CCDC116: variants seen among roughly 807,000 people sequenced by gnomAD.
CCDC116 encodes the protein coiled-coil domain containing 116.
In CCDC116, 24 loss-of-function variants were observed where a neutral mutation model predicts 29.4. That is an observed-to-expected ratio of 0.82 (90% CI 0.59 to 1.15). CCDC116 has a LOEUF of 1.15. CCDC116 is among the 50% of genes most tolerant of loss of function. CCDC116 has a pLI of 0.00. For synonymous variants in CCDC116, 298 were observed against 331.4 expected (o/e 0.90, Z 1.10); for missense variants, 791 against 804.0 (o/e 0.98, Z 0.20).
In CCDC116 at chr22:21,634,131, G is replaced by C. The variant is rs776764287; in HGVS notation, c.182G>C (p.Arg61Pro). Residue 61 changes from arginine (R) to proline (P), a missense_variant, in exon 3 of 5, where the codon CGC (arginine) becomes CCC (proline). Coordinates refer to ENST00000292779, the MANE Select transcript of CCDC116 (RefSeq NM_152612.3). Reference sequence around the variant, plus strand: ...GGCAGCTCAGCACTCCAGGGCCAACGCCGAAACAAGAGGCACCCTCAGCCC... The same window carrying C: ...GGCAGCTCAGCACTCCAGGGCCAACCCCGAAACAAGAGGCACCCTCAGCCC... The part of the protein sequence containing the change: ...TCGSSALQGQ[R>P]RNKRHPQPFG... The C allele has an allele frequency of 6.2e-7, 1 of 1,614,120 alleles. No homozygotes were observed. Among genetic ancestry groups the C allele is most frequent in the Admixed American group, 1.7e-5 (1 of 60,010 alleles).
At chr22:21,635,398 G>C (rs1395415660) in intron 4 of CCDC116, 132 bp downstream of exon 4, 9 of 865,000 alleles carry the variant, frequency 1.0e-5, no homozygotes, top group Non-Finnish European at 1.7e-5. Flanking sequence ...AGCCCTGGCA[G>C]GGCCTGCACC....
chr22:21,634,288 C>G lies in CCDC116; in HGVS notation c.339C>G (p.Asp113Glu). Residue 113 changes from aspartate to glutamate, a missense_variant, in exon 3 of 5, where the codon GAC becomes GAG. Transcript: ENST00000292779. ...GGGTGCCGCTTGTGGAGGTGCAGGACCCAGTGGAGGTGCCAAGTGGTGGAC... is the reference window on the plus strand; with the variant it reads ...GGGTGCCGCTTGTGGAGGTGCAGGAGCCAGTGGAGGTGCCAAGTGGTGGAC... ...EAGVPLVEVQ[D>E]PVEVPSGGRR... 2 of 1,613,582 alleles carry G rather than the reference C, an allele frequency of 1.2e-6. No homozygotes were observed. The highest frequency in any genetic ancestry group is 1.7e-6 in the Non-Finnish European group (2 of 1,179,944).
chr22:21,634,863 TC>T lies in CCDC116; in HGVS notation c.802del (p.Arg268AlafsTer13), dbSNP rs766687183. The part of the protein sequence containing the change: ...EPRPGEQEPI[F>X]RKREFNKEIK... Reference sequence around the variant, plus strand: ...AGGCCTGGAGAACAGGAGCCAATCTTCCGCAAGCGAGAGTTCAATAAGGAGA... The same window carrying T: ...AGGCCTGGAGAACAGGAGCCAATCTTCGCAAGCGAGAGTTCAATAAGGAGA... On this transcript the variant is annotated frameshift_variant, in exon 4 of 5. Transcript: ENST00000292779. LOFTEE classifies it high-confidence loss of function. 2 of 1,613,924 alleles carry T rather than the reference TC, an allele frequency of 1.2e-6. No homozygotes were observed. The highest frequency in any genetic ancestry group is 4.5e-5 in the East Asian group (2 of 44,852).
intron 4 of CCDC116, chr22:21,635,853 G>A (rs992877375): frequency 2.8e-5 from 15 of 540,676 alleles, no homozygotes; most frequent in Non-Finnish European, 4.6e-5. Flanking sequence ...ACATGGGGGT[G>A]GAAAGTCCCG....
At position 21,637,321 on chromosome 22, in the gene CCDC116, G is replaced by A. The variant is rs2066041987; in HGVS notation, c.*251G>A. On this transcript the variant is annotated 3_prime_UTR_variant, in exon 5 of 5. Coordinates refer to ENST00000292779, the MANE Select transcript of CCDC116 (RefSeq NM_152612.3). ...TGTGTTGCTGGGACACAGGTTTGCTGTCCTGAGATTTCAGCCGCCATTTTA... is the reference window on the plus strand; with the variant it reads ...TGTGTTGCTGGGACACAGGTTTGCTATCCTGAGATTTCAGCCGCCATTTTA... 1.1e-5 allele frequency: 4 copies of A among 380,088 alleles called. No homozygotes were observed. The allele number at this position is 380,088 out of a possible 1,614,324, so 23.5% of individuals were successfully genotyped here. A position where few individuals can be genotyped will look rare whatever the true frequency, so the allele number is the denominator to read the frequency against.
chr22:21,634,955 C>T lies in CCDC116; in HGVS notation c.892C>T (p.His298Tyr). The change falls in exon 4 of 5, where the codon CAT (histidine) becomes TAT (tyrosine). Residue 298 changes from histidine to tyrosine, a missense_variant. Transcript: ENST00000292779. Reference sequence around the variant, plus strand: ...TGGCTACTGTCCGCTCCGTGAGCCCCATCGCACGCTGAACTTCCTGGCTGA... The same window carrying T: ...TGGCTACTGTCCGCTCCGTGAGCCCTATCGCACGCTGAACTTCCTGGCTGA... ...LPGYCPLREP[H>Y]RTLNFLADHR... 6.2e-7 allele frequency: 1 copy of T among 1,613,414 alleles called. No homozygotes were observed.
In CCDC116 at chr22:21,634,274, G is replaced by T. The variant is rs200509674; in HGVS notation, c.325G>T (p.Val109Leu). The T allele has an allele frequency of 1.7e-5, 28 of 1,613,876 alleles. No individual in the cohort carries two copies. The East Asian group carries it at 6.0e-4, about 35-fold the overall frequency. Reference sequence around the variant, plus strand: ...GAAGACGGAGGCTGGGGTGCCGCTTGTGGAGGTGCAGGACCCAGTGGAGGT... The same window carrying T: ...GAAGACGGAGGCTGGGGTGCCGCTTTTGGAGGTGCAGGACCCAGTGGAGGT... ...AMKTEAGVPL[V>L]EVQDPVEVPS... is the part of the protein sequence containing the mutation. Residue 109 changes from valine (V) to leucine (L), a missense_variant, in exon 3 of 5, where the codon GTG (valine) becomes TTG (leucine). Transcript: ENST00000292779.
rs376356851 is a variant in CCDC116 at position 21,634,254 on chromosome 22, C to T, written c.305C>T (p.Thr102Met). Residue 102 changes from threonine to methionine, a missense_variant, in exon 3 of 5, where the codon ACG becomes ATG. Coordinates refer to ENST00000292779, the MANE Select transcript of CCDC116 (RefSeq NM_152612.3). ...ACTGAGCGCATGGCTGCCATGAAGA[C>T]GGAGGCTGGGGTGCCGCTTGTGGAG... ...KATERMAAMK[T>M]EAGVPLVEVQ... The T allele has an allele frequency of 1.6e-5, 26 of 1,613,978 alleles. 1 individual carries two copies. In the East Asian group the frequency reaches 2.7e-4, roughly 17 times the overall value.
intron 3 of CCDC116, 47 bp downstream of exon 3, chr22:21,634,617 C>A (rs1259280477): frequency 1.3e-6 from 2 of 1,567,722 alleles, no homozygotes; most frequent in Admixed American, 3.6e-5. Context: ...CCATGGAGAG[C>A]CCAGGGCTAG....
At position 21,634,245 on chromosome 22, in the gene CCDC116, C is replaced by CGTT. The variant is rs748887002; in HGVS notation, c.296_297insGTT (p.Ala99_Met100insPhe). 6.2e-7 allele frequency: 1 copy of CGTT among 1,614,186 alleles called. No individual in the cohort carries two copies. Among genetic ancestry groups the CGTT allele is most frequent in the Non-Finnish European group, 8.5e-7 (1 of 1,180,042 alleles). ...GAGAAGGCGACTGAGCGCATGGCTG[C>CGTT]CATGAAGACGGAGGCTGGGGTGCCG... On this transcript the variant is annotated inframe_insertion, in exon 3 of 5. Coordinates refer to ENST00000292779, the MANE Select transcript of CCDC116 (RefSeq NM_152612.3).
intron 4 of CCDC116, 55 bp from the exon 5 acceptor site, chr22:21,636,377 G>A: frequency 6.5e-7 from 1 of 1,533,730 alleles, no homozygotes; most frequent in Non-Finnish European, 8.8e-7. Context: ...TGTCACAGAG[G>A]GATGGGGCTG....
chr22:21,633,113 C>T lies in CCDC116; in HGVS notation c.-62-7C>T. Reference sequence around the variant, plus strand: ...AGACCCTCAGGTTGTCTCCCCACCCCACGCAGAGAGGAATGCGCAGCTGAA... The same window carrying T: ...AGACCCTCAGGTTGTCTCCCCACCCTACGCAGAGAGGAATGCGCAGCTGAA... On this transcript the variant is annotated splice_polypyrimidine_tract_variant and splice_region_variant and intron_variant, in intron 1 of 4. Coordinates refer to ENST00000292779, the MANE Select transcript of CCDC116 (RefSeq NM_152612.3). The T allele has an allele frequency of 1.5e-6, 2 of 1,312,972 alleles. No individual in the cohort carries two copies. Among genetic ancestry groups the T allele is most frequent in the South Asian group, 1.3e-5 (1 of 79,300 alleles). The allele number at this position is 1,312,972 out of a possible 1,614,324, so 81.3% of individuals were successfully genotyped here.
chr22:21,633,282 TTGAGGCCACAACA>T, intron 2 of CCDC116, 29 bp downstream of exon 2: 1 of 1,519,400 alleles, frequency 6.6e-7, no homozygotes, highest in Non-Finnish European at 8.9e-7. Context: ...GCGCCGACCC[TTGAGGCCACAACA>T]TGTTCCCCAC....
Position 21,636,681 on chromosome 22 carries a change from T to A in CCDC116, c.1453T>A (p.Ser485Thr). ...CCTGGGCTTAAAGAAGGTAAAAGGC[T>A]CCCGCATCCACCTGTCCTCGGAGAC... The part of the protein sequence containing the change: ...LSLGLKKVKG[S>T]RIHLSSETHR... The change falls in exon 5 of 5, where the codon TCC becomes ACC. Residue 485 changes from serine (S) to threonine (T), a missense_variant. By Grantham distance (58) the Ser-to-Thr change is moderately conservative. Coordinates refer to ENST00000292779, the MANE Select transcript of CCDC116 (RefSeq NM_152612.3). The A allele has an allele frequency of 1.2e-6, 2 of 1,613,756 alleles. No individual in the cohort carries two copies. Among genetic ancestry groups the A allele is most frequent in the Non-Finnish European group, 1.7e-6 (2 of 1,180,004 alleles).
intron 4 of CCDC116, 90 bp downstream of exon 4, chr22:21,635,356 A>C: frequency 3.5e-6 from 4 of 1,131,426 alleles, no homozygotes; most frequent in Non-Finnish European, 5.2e-6. Context: ...TACAAAACCC[A>C]CCTGTTTCCC....
In CCDC116 at chr22:21,634,003, G is replaced by A; in HGVS notation, c.73-19G>A. The stretch of plus-strand genomic sequence containing the variant: ...CCTGTAGGGCACCCCTGCCCCCTGT[G>A]ACATACCTGTCTGCTCAGGTGCAGC... On this transcript the variant is annotated intron_variant, in intron 2 of 4. Coordinates refer to ENST00000292779, the MANE Select transcript of CCDC116 (RefSeq NM_152612.3). 1.3e-6 allele frequency: 2 copies of A among 1,585,032 alleles called. No homozygotes were observed. The highest frequency in any genetic ancestry group is 1.7e-6 in the Non-Finnish European group (2 of 1,165,348).
In CCDC116 at chr22:21,634,025, C is replaced by T; in HGVS notation, c.76C>T (p.Gln26Ter). Reference protein sequence around the residue: ...ASHSMCSARVQLPKKPLVPEM... With the variant: ...ASHSMCSARV ...TGTGACATACCTGTCTGCTCAGGTG[C>T]AGCTGCCCAAGAAGCCACTGGTCCC... is the stretch of plus-strand genomic sequence containing the variant. Residue 26 changes from glutamine (Q) to a stop codon, truncating the protein, a stop_gained, in exon 3 of 5, where the codon CAG becomes TAG. Transcript: ENST00000292779. LOFTEE classifies it high-confidence loss of function. 1 of 1,602,024 alleles carries T rather than the reference C, an allele frequency of 6.2e-7. No individual in the cohort carries two copies. Among genetic ancestry groups the T allele is most frequent in the South Asian group, 1.1e-5 (1 of 88,792 alleles).
chr22:21,633,105 C>T lies in CCDC116; in HGVS notation c.-62-15C>T. 4.0e-6 allele frequency: 5 copies of T among 1,252,240 alleles called. No homozygotes were observed. Among genetic ancestry groups the T allele is most frequent in the Non-Finnish European group, 5.7e-6 (5 of 874,776 alleles). 77.6% of individuals were successfully genotyped at this position (1,252,240 alleles called of 1,614,324 possible). ...CCTATTGGAGACCCTCAGGTTGTCT[C>T]CCCACCCCACGCAGAGAGGAATGCG... On this transcript the variant is annotated splice_polypyrimidine_tract_variant and intron_variant, in intron 1 of 4. Coordinates refer to ENST00000292779, the MANE Select transcript of CCDC116 (RefSeq NM_152612.3).
In CCDC116 at chr22:21,636,745, A is replaced by G. The variant is rs761410251; in HGVS notation, c.1517A>G (p.Lys506Arg). Residue 506 changes from lysine to arginine, a missense_variant, in exon 5 of 5, where the codon AAA (lysine) becomes AGA (arginine). Lys to Arg is a conservative substitution (Grantham distance 26). Coordinates refer to ENST00000292779, the MANE Select transcript of CCDC116 (RefSeq NM_152612.3). Reference sequence around the variant, plus strand: ...CTGCTGCGTAAACTGGAGGAGTCCAAAAGGGCCCGGCAGGCCTCCCGGCTC... The same window carrying G: ...CTGCTGCGTAAACTGGAGGAGTCCAGAAGGGCCCGGCAGGCCTCCCGGCTC... Reference protein sequence around the residue: ...SCLLRKLEESKRARQASRLST... With the variant: ...SCLLRKLEESRRARQASRLST... 3.1e-6 allele frequency: 5 copies of G among 1,613,064 alleles called. No homozygotes were observed. Among genetic ancestry groups the G allele is most frequent in the Non-Finnish European group, 2.5e-6 (3 of 1,180,004 alleles).
Sources: gnomAD v4.1 joint callset for allele counts on GRCh38, gnomAD v4.1.1 for gene constraint, MANE v1.5 for transcripts, NCBI Gene and HGNC (gene_info 2026-07-23, HGNC 2026-07-21) for gene names.